The following RBFOX1 variants were observed in gnomAD, a reference collection of about 807,000 sequenced individuals.
RBFOX1 encodes the protein RNA binding fox-1 homolog 1.
RBFOX1 carries 8 observed loss-of-function variants against 57.7 expected under a neutral mutation model. The ratio of observed to expected loss-of-function variants is 0.14; its 90% CI spans 0.08 to 0.25. The LOEUF is 0.25. RBFOX1 is among the 10% of genes least tolerant of loss of function. The pLI is 1.00. For missense variants in RBFOX1, 611 were observed against 548.5 expected (o/e 1.11, Z -1.14); for synonymous variants, 326 against 222.4 (o/e 1.47, Z -4.15).
chr16:7,280,934 A>G (rs906308748), intron 4 of RBFOX1, among the ~76,000 whole-genome samples: 1 of 149,704 alleles, frequency 6.7e-6, no homozygotes, highest in Non-Finnish European at 1.5e-5. Context: ...TCTTGAATCA[A>G]TTGCATGTGA....
chr16:7,415,628 C>T (rs1291739476), intron 4 of RBFOX1, among the ~76,000 whole-genome samples: 4 of 152,084 alleles, frequency 2.6e-5, no homozygotes, highest in African/African-American at 9.7e-5. Context: ...ACAGTAGGTT[C>T]CCAGCATTGT....
chr16:5,935,465 G>T (rs1484701358), intron 4 of RBFOX1, among the ~76,000 whole-genome samples: 1 of 152,154 alleles, frequency 6.6e-6, no homozygotes, highest in Admixed American at 6.5e-5. Context: ...TGGCAGAGAG[G>T]TCTGGGGCAT....
chr16:5,845,580 C>G (rs555869865), intron 3 of RBFOX1, among the ~76,000 whole-genome samples: 1 of 152,188 alleles, frequency 6.6e-6, no homozygotes, highest in Non-Finnish European at 1.5e-5. Context: ...GGTGGCCGAG[C>G]TTCTTCAAAT....
chr16:6,695,571 TATGAGATATAGA>T (rs80093437), intron 3 of RBFOX1, among the ~76,000 whole-genome samples: 74,489 of 151,832 alleles, frequency 0.49, 21,636 homozygotes, highest in Non-Finnish European at 0.63. Context: ...ATGTTTCAAG[TATGAGATATAGA>T]ATGATGAGCA....
At chr16:7,136,376 A>G (rs999982364) in intron 4 of RBFOX1, among the ~76,000 whole-genome samples, 1 of 150,924 alleles carries the variant, frequency 6.6e-6, no homozygotes, top group Non-Finnish European at 1.5e-5. Context: ...TACCTAGTAG[A>G]GATACAGAAC....
chr16:5,744,247 G>T (rs998310798), intron 3 of RBFOX1, among the ~76,000 whole-genome samples: 3 of 152,102 alleles, frequency 2.0e-5, no homozygotes, highest in Admixed American at 6.5e-5. Context: ...TCTGTTTCTT[G>T]TAGCTGCCCT....
chr16:6,609,120 C>G lies in RBFOX1; in HGVS notation c.-63-45483C>G, dbSNP rs189849400. Among the ~76,000 whole-genome samples, 167 of 152,268 alleles carry G rather than the reference C, an allele frequency of 1.1e-3. 2 individuals carry two copies. Among genetic ancestry groups the G allele is most frequent in the Non-Finnish European group, 7.1e-4 (48 of 68,028 alleles). ...TCCCTATTTAAGGTCTGCTAATCAG[C>G]AACCTTGATTCCCTTTTACCATGTC... On this transcript the variant is annotated intron_variant, in intron 2 of 15. Coordinates refer to ENST00000550418, the MANE Select transcript of RBFOX1 (RefSeq NM_018723.4).
chr16:7,278,158 GT>G (rs1339115138), intron 4 of RBFOX1, among the ~76,000 whole-genome samples: 3 of 152,064 alleles, frequency 2.0e-5, no homozygotes, highest in Admixed American at 6.5e-5. Context: ...TTCTGTGCAC[GT>G]GGTTTTAAGT....
intron 3 of RBFOX1, among the ~76,000 whole-genome samples, chr16:5,796,234 G>A (rs1479006435): frequency 6.6e-6 from 1 of 152,192 alleles, no homozygotes; most frequent in East Asian, 1.9e-4. Context: ...GCACAGATCT[G>A]GATCTGGAAG....
At chr16:6,782,537 A>G (rs1471224810) in intron 3 of RBFOX1, among the ~76,000 whole-genome samples, 1 of 151,772 alleles carries the variant, frequency 6.6e-6, no homozygotes, top group African/African-American at 2.4e-5. Context: ...CGGGATTTTT[A>G]TGTCCAATAA....
At position 5,420,377 on chromosome 16, in the gene RBFOX1, C is replaced by T. The variant is rs75236648; in HGVS notation, c.220-46839C>T. Among the ~76,000 whole-genome samples the T allele has an allele frequency of 3.7e-3, 375 of 102,072 alleles. 3 individuals are homozygous for T. Among genetic ancestry groups the T allele is most frequent in the African/African-American group, 0.015 (352 of 23,702 alleles). 67.0% of individuals were successfully genotyped at this position (102,072 alleles called of 152,430 possible). A position where few individuals can be genotyped will look rare whatever the true frequency, so the allele number is the denominator to read the frequency against. ...ACCGAAGGTTTTTAATAAATATTCT[C>T]CACCACCCCCATATACACACACACA... On this transcript the variant is annotated intron_variant, in intron 1 of 2. Transcript: ENST00000585867.
chr16:7,357,001 C>T (rs1310386490), intron 4 of RBFOX1, among the ~76,000 whole-genome samples: 3 of 152,176 alleles, frequency 2.0e-5, no homozygotes, highest in Non-Finnish European at 4.4e-5. Context: ...CTGTGCTTGG[C>T]CATTTCACAC....
chr16:5,450,153 C>G (rs138753818), intron 1 of RBFOX1, among the ~76,000 whole-genome samples: 14 of 152,286 alleles, frequency 9.2e-5, no homozygotes, highest in African/African-American at 3.4e-4. Context: ...CCCAAAGTCT[C>G]TCTCACAGGC....
intron 3 of RBFOX1, among the ~76,000 whole-genome samples, chr16:5,769,359 G>A (rs2053898558): frequency 6.6e-6 from 1 of 151,872 alleles, no homozygotes. Context: ...GAGAAATTTG[G>A]GCTGGGTGCA....
chr16:6,721,268 C>A (rs958781711), intron 3 of RBFOX1, among the ~76,000 whole-genome samples: 2 of 152,066 alleles, frequency 1.3e-5, no homozygotes, highest in African/African-American at 4.8e-5. Flanking sequence ...CATGGTAAAA[C>A]CCTGTCTGTA....
At chr16:6,122,355 T>TAA (rs2096556806) in intron 1 of RBFOX1, among the ~76,000 whole-genome samples, 2 of 124,196 alleles carry the variant, frequency 1.6e-5, no homozygotes, top group African/African-American at 7.1e-5. Flanking sequence ...GTCTAAAAGA[T>TAA]AAACACACAC....
intron 4 of RBFOX1, among the ~76,000 whole-genome samples, chr16:7,454,221 A>C (rs562933161): frequency 6.6e-6 from 1 of 152,294 alleles, no homozygotes; most frequent in South Asian, 2.1e-4. Context: ...CAGGAGGGCG[A>C]GACTCCGTCC....
At chr16:5,892,083 G>C (rs1384275183) in intron 4 of RBFOX1, among the ~76,000 whole-genome samples, 1 of 152,198 alleles carries the variant, frequency 6.6e-6, no homozygotes, top group Non-Finnish European at 1.5e-5. Flanking sequence ...GCACAATAGT[G>C]TTCTGTCCTT....
intron 4 of RBFOX1, among the ~76,000 whole-genome samples, chr16:6,003,297 A>AT (rs1324392637): frequency 1.3e-4 from 19 of 151,070 alleles, no homozygotes; most frequent in African/African-American, 4.4e-4. Flanking sequence ...AAAAAAAAAA[A>AT]AGCAATGAGA....
Sources: allele counts gnomAD v4.1 joint callset (sites outside exome capture counted in the v4.1 genomes callset), GRCh38; gene constraint gnomAD v4.1.1; transcripts MANE v1.5; gene names NCBI Gene and HGNC (gene_info 2026-07-23, HGNC 2026-07-21).